KCNA6: variants seen among roughly 807,000 people sequenced by gnomAD.
The protein encoded by KCNA6 is potassium voltage-gated channel subfamily A member 6.
In KCNA6, 17 loss-of-function variants were observed where a neutral mutation model predicts 29.5. The ratio of observed to expected loss-of-function variants is 0.58; its 90% CI spans 0.39 to 0.86. The LOEUF (loss-of-function observed/expected upper bound fraction) is 0.86. Among genes scored for constraint, KCNA6 ranks in the 40% least tolerant of loss-of-function variants. KCNA6 has a pLI of 0.00. For missense variants in KCNA6, 450 were observed against 703.4 expected (o/e 0.64, Z 4.07); for synonymous variants, 296 against 304.7 (o/e 0.97, Z 0.30).
chr12:4,835,970 G>A, the KCNA6 span, among the ~76,000 whole-genome samples: 16 of 138,008 alleles, frequency 1.2e-4, no homozygotes, highest in South Asian at 2.7e-3. Context: ...ACGGAGTTTC[G>A]CTCTTGTTGC....
chr12:4,820,591 A>T, the KCNA6 span, among the ~76,000 whole-genome samples: 1,210 of 144,620 alleles, frequency 8.4e-3, 12 homozygotes, highest in African/African-American at 0.028. Flanking sequence ...ACACACACAC[A>T]CTCTTAAAAA....
the KCNA6 span, among the ~76,000 whole-genome samples, chr12:4,830,648 C>CT: frequency 6.6e-6 from 1 of 152,258 alleles, no homozygotes; most frequent in Non-Finnish European, 1.5e-5. Flanking sequence ...TTTCTCTTTA[C>CT]TGTTCCTCTC....
chr12:4,826,172 C>T, the KCNA6 span, among the ~76,000 whole-genome samples: 6 of 152,232 alleles, frequency 3.9e-5, no homozygotes, highest in Non-Finnish European at 5.9e-5. Flanking sequence ...CCTGGTTCCT[C>T]TGGTGCTTGG....
chr12:4,842,059 G>C, the KCNA6 span, among the ~76,000 whole-genome samples: 1 of 134,658 alleles, frequency 7.4e-6, no homozygotes, highest in Non-Finnish European at 1.7e-5. Context: ...GTGTGTGTGT[G>C]TGTCTGCTGA....
chr12:4,817,229 C>G (rs778132869), downstream of KCNA6, among the ~76,000 whole-genome samples: 2 of 152,166 alleles, frequency 1.3e-5, no homozygotes, highest in Non-Finnish European at 2.9e-5. Flanking sequence ...TCTCTCCATC[C>G]CGCTTCATAT....
chr12:4,827,132 TCCTC>T, the KCNA6 span, among the ~76,000 whole-genome samples: 3 of 130,100 alleles, frequency 2.3e-5, no homozygotes, highest in Non-Finnish European at 3.4e-5. Context: ...TTCCTTCTTT[TCCTC>T]CCTCCCTCTC....
At position 4,810,979 on chromosome 12, in the gene KCNA6, C is replaced by G. The variant is rs1378100255; in HGVS notation, c.938C>G (p.Thr313Ser). 6.2e-7 allele frequency: 1 copy of G among 1,614,272 alleles called. No homozygotes were observed. Among genetic ancestry groups the G allele is most frequent in the Non-Finnish European group, 8.5e-7 (1 of 1,180,060 alleles). ...TTCCCCTACTTCATCACCCTGGGCA[C>G]TGAGCTGGTGCAGCAGCAGGAGCAG... The change falls in exon 1 of 1, where the codon ACT (threonine) becomes AGT (serine). Residue 313 changes from threonine to serine, a missense_variant. Physicochemically the swap from Thr to Ser is moderately conservative, Grantham distance 58. This residue lies in a region of KCNA6 where 46 missense variants were observed against 80.2 expected (regional missense o/e 0.57). Coordinates refer to ENST00000280684, the Ensembl canonical transcript of KCNA6. This position sits in a 1 kb window ranked among gnomAD's most constrained non-coding sequence, Gnocchi z 7.5.
chr12:4,813,655 C>G (rs1946654676), downstream of KCNA6: 1 of 167,026 alleles, frequency 6.0e-6, no homozygotes, highest in Non-Finnish European at 1.5e-5. Flanking sequence ...ACCTGAAACA[C>G]AGTAGAAGAT....
Position 4,811,046 on chromosome 12 carries a change from C to T in KCNA6, c.1005C>T (p.Ala335=). 1 of 1,614,194 alleles carries T rather than the reference C, an allele frequency of 6.2e-7. No individual in the cohort carries two copies. The highest frequency in any genetic ancestry group is 8.5e-7 in the Non-Finnish European group (1 of 1,180,034). ...GAGGCGGCCAGAATGGGCAGCAGGC[C>T]ATGTCCCTGGCCATCCTCCGAGTCA... The change falls in exon 1 of 1, where the codon GCC becomes GCT. Residue 335 remains alanine (A), a synonymous_variant. Coordinates refer to ENST00000280684, the Ensembl canonical transcript of KCNA6. The surrounding 1 kb of genome is among the most constrained non-coding windows in gnomAD (Gnocchi z 7.1).
chr12:4,825,272 G>T, the KCNA6 span, among the ~76,000 whole-genome samples: 10 of 152,192 alleles, frequency 6.6e-5, no homozygotes, highest in African/African-American at 2.4e-4. Context: ...TTTCCATGGA[G>T]AAAGAATCCC....
the KCNA6 span, among the ~76,000 whole-genome samples, chr12:4,832,179 AG>A: frequency 2.0e-5 from 3 of 152,052 alleles, no homozygotes; most frequent in Non-Finnish European, 4.4e-5. Flanking sequence ...GGGTGTCATC[AG>A]TCAGCCCACG....
At chr12:4,815,086 C>T (rs1408461334), downstream of KCNA6, among the ~76,000 whole-genome samples, 1 of 151,804 alleles carries the variant, frequency 6.6e-6, no homozygotes, top group Non-Finnish European at 1.5e-5. Flanking sequence ...CCTTTTTTCC[C>T]CTTTCTCCAG....
At chr12:4,848,969 A>C in the KCNA6 span, among the ~76,000 whole-genome samples, 1 of 151,734 alleles carries the variant, frequency 6.6e-6, no homozygotes, top group African/African-American at 2.4e-5. Flanking sequence ...AAAATACAAA[A>C]ATTAGCCGGG....
chr12:4,848,598 G>A, the KCNA6 span, among the ~76,000 whole-genome samples: 3 of 151,734 alleles, frequency 2.0e-5, no homozygotes, highest in East Asian at 1.9e-4. Flanking sequence ...GCAATGGCTC[G>A]ATCTCGGCTC....
the KCNA6 span, among the ~76,000 whole-genome samples, chr12:4,828,786 C>T: frequency 1.3e-5 from 2 of 152,178 alleles, no homozygotes; most frequent in Non-Finnish European, 1.5e-5. Context: ...GAGTCGTGCT[C>T]TTATCTGCTA....
chr12:4,832,349 C>A, the KCNA6 span, among the ~76,000 whole-genome samples: 2 of 147,480 alleles, frequency 1.4e-5, no homozygotes, highest in African/African-American at 5.0e-5. Flanking sequence ...TCTGTGACCC[C>A]ACCCCAGCGG....
the KCNA6 span, among the ~76,000 whole-genome samples, chr12:4,820,546 AACACACACACACACACACACACAC>A: frequency 3.7e-5 from 5 of 134,674 alleles, no homozygotes; most frequent in African/African-American, 1.4e-4. Context: ...GGATTACCTA[AACACACACACACACACACACACAC>A]ACACACACAC....
At chr12:4,848,589 C>T in the KCNA6 span, among the ~76,000 whole-genome samples, 6 of 151,832 alleles carry the variant, frequency 4.0e-5, no homozygotes, top group Non-Finnish European at 7.4e-5. Context: ...GGCTGGAGTG[C>T]AATGGCTCGA....
At chr12:4,839,854 G>A in the KCNA6 span, among the ~76,000 whole-genome samples, 1 of 152,284 alleles carries the variant, frequency 6.6e-6, no homozygotes, top group African/African-American at 2.4e-5. Context: ...ATCAGAGGAG[G>A]CCACCAAGCA....
Sources: gnomAD v4.1 joint callset for allele counts (sites outside exome capture counted in the v4.1 genomes callset) on GRCh38, gnomAD v4.1.1 for gene constraint, gnomAD v4.1.1 regional missense constraint, Gnocchi (gnomAD v3.1) non-coding constraint, MANE v1.5 for transcripts, NCBI Gene and HGNC (gene_info 2026-07-23, HGNC 2026-07-21) for gene names.